The following DCX variants were observed in gnomAD, a reference collection of about 807,000 sequenced individuals.
The protein encoded by DCX is neuronal migration protein doublecortin.
A neutral mutation model predicts 20.9 loss-of-function variants in DCX; 4 were observed. The observed-to-expected ratio is 0.19, with a 90% CI of 0.09 to 0.44. DCX has a LOEUF of 0.44. Ranked by LOEUF, DCX falls within the 20% of genes least tolerant of loss-of-function variation. The pLI is 0.99. For synonymous variants in DCX, 103 were observed against 111.4 expected (o/e 0.92, Z 0.47); for missense variants, 133 against 296.9 (o/e 0.45, Z 4.06).
At chrX:111,379,306 C>A (rs923864947) in intron 3 of DCX, among the ~76,000 whole-genome samples, 15 of 111,430 alleles carry the variant, frequency 1.3e-4, no homozygotes, top group Admixed American at 8.6e-4. Flanking sequence ...ATCACTGCAA[C>A]CAATTTTAGA....
intron 5 of DCX, among the ~76,000 whole-genome samples, chrX:111,314,373 G>A (rs758631862): frequency 7.2e-5 from 8 of 111,840 alleles, no homozygotes; most frequent in African/African-American, 9.8e-5. Context: ...TGAAATAAAC[G>A]CTAAGACATA....
At chrX:111,406,071 GA>G (rs1928189028) in intron 2 of DCX, among the ~76,000 whole-genome samples, 2 of 112,223 alleles carry the variant, frequency 1.8e-5, no homozygotes, top group South Asian at 3.7e-4. Context: ...GATGTAAAAA[GA>G]AAAAAATTAA....
chrX:111,352,721 T>C (rs1340688416), intron 3 of DCX, among the ~76,000 whole-genome samples: 2 of 111,055 alleles, frequency 1.8e-5, no homozygotes, highest in African/African-American at 6.6e-5. Flanking sequence ...TGCTGCCTTT[T>C]GAATCTCTGT....
intron 5 of DCX, among the ~76,000 whole-genome samples, chrX:111,327,426 A>G (rs993595573): frequency 8.9e-6 from 1 of 112,227 alleles, no homozygotes; most frequent in Non-Finnish European, 1.9e-5. Flanking sequence ...TTAAATCTCA[A>G]ATGTCTGTAA....
chrX:111,340,644 A>T (rs938114360), intron 3 of DCX, among the ~76,000 whole-genome samples: 2 of 111,454 alleles, frequency 1.8e-5, no homozygotes, highest in Non-Finnish European at 3.8e-5. Context: ...GTGCCCCTCG[A>T]GGTCAGAGAT....
rs1206972657 is a variant in DCX at position 111,299,490 on chromosome X, T to C, written c.*2197A>G. ...CTTCCTCAACTTAAAATAAAGGTGA[T>C]GGACTAAATGAGACCTAAAGTGAGA... On this transcript the variant is annotated 3_prime_UTR_variant, in exon 7 of 7. Coordinates refer to ENST00000636035, the MANE Select transcript of DCX (RefSeq NM_001195553.2). The C allele has an allele frequency of 1.8e-5, 2 of 111,185 alleles. No homozygotes were observed. Among genetic ancestry groups the C allele is most frequent in the African/African-American group, 6.6e-5 (2 of 30,512 alleles). 9.2% of individuals were successfully genotyped at this position (111,185 alleles called of 1,213,427 possible). A position where few individuals can be genotyped will look rare whatever the true frequency, so the allele number is the denominator to read the frequency against.
intron 3 of DCX, among the ~76,000 whole-genome samples, chrX:111,390,321 T>C (rs745670422): frequency 9.8e-5 from 11 of 112,115 alleles, no homozygotes; most frequent in African/African-American, 2.9e-4. Flanking sequence ...TCTGACACCT[T>C]GACTTCAGCC....
At chrX:111,328,596 C>G (rs757434692) in intron 5 of DCX, among the ~76,000 whole-genome samples, 2 of 112,037 alleles carry the variant, frequency 1.8e-5, no homozygotes, top group Non-Finnish European at 3.8e-5. Flanking sequence ...CTTCAACACT[C>G]TTTCCTTTAA....
chrX:111,391,001 T>TAA (rs56173739), intron 3 of DCX, among the ~76,000 whole-genome samples: 3 of 82,254 alleles, frequency 3.6e-5, no homozygotes, highest in African/African-American at 1.3e-4. Context: ...GATATCCTGC[T>TAA]AAAAAAAAAA....
At chrX:111,327,326 A>T (rs144305629) in intron 5 of DCX, among the ~76,000 whole-genome samples, 3,090 of 111,895 alleles carry the variant, frequency 0.028, 117 homozygotes, top group African/African-American at 0.095. Flanking sequence ...CACCTAACCT[A>T]TTATCATTTG....
chrX:111,357,031 C>T (rs1254159340), intron 3 of DCX, among the ~76,000 whole-genome samples: 2 of 112,007 alleles, frequency 1.8e-5, no homozygotes, highest in African/African-American at 6.5e-5. Flanking sequence ...GGAGAGATTA[C>T]ATGTAATATA....
intron 3 of DCX, among the ~76,000 whole-genome samples, chrX:111,385,723 A>AAGGT (rs1926389507): frequency 1.0e-5 from 1 of 96,336 alleles, no homozygotes; most frequent in South Asian, 5.8e-4. Context: ...GAAAGCAAGG[A>AAGGT]AGGAAGGAAG....
chrX:111,383,355 C>T (rs928157785), intron 3 of DCX, among the ~76,000 whole-genome samples: 4 of 111,708 alleles, frequency 3.6e-5, no homozygotes, highest in African/African-American at 1.3e-4. Flanking sequence ...AAATTTTAAT[C>T]CAATAATCTA....
chrX:111,390,080 C>T (rs1169202063), intron 3 of DCX, among the ~76,000 whole-genome samples: 2 of 111,983 alleles, frequency 1.8e-5, no homozygotes, highest in East Asian at 5.6e-4. Context: ...TTTGCTGAGG[C>T]TGGTGGCAGA....
At chrX:111,303,344 C>G (rs1235033885) in intron 6 of DCX, among the ~76,000 whole-genome samples, 1 of 109,824 alleles carries the variant, frequency 9.1e-6, no homozygotes, top group Admixed American at 9.8e-5. Context: ...CCCACCCCCA[C>G]CGCCTTGCCA....
Position 111,401,269 on chromosome X carries a change from G to C in DCX, c.426C>G (p.Val142=). The C allele has an allele frequency of 2.5e-6, 3 of 1,211,774 alleles. No homozygotes were observed. Among genetic ancestry groups the C allele is most frequent in the Non-Finnish European group, 3.4e-6 (3 of 895,473 alleles). Residue 142 remains valine, a synonymous_variant, in exon 3 of 7, where the codon GTC becomes GTG. Coordinates refer to ENST00000636035, the MANE Select transcript of DCX (RefSeq NM_001195553.2). ...FFKKVEYTKN[V]NPNWSVNVKT... ...TTACGTTGACAGACCAGTTGGGATT[G>C]ACATTCTTGGTGTACTCCACCTTTT...
intron 5 of DCX, among the ~76,000 whole-genome samples, chrX:111,323,195 C>G (rs970314539): frequency 1.8e-5 from 2 of 112,031 alleles, no homozygotes; most frequent in African/African-American, 6.5e-5. Context: ...GTGAAAAGAA[C>G]ACAGGCTTTG....
rs878976591 is a variant in DCX at position 111,344,924 on chromosome X, T to G, written c.706-11771A>C. 2.7e-5 allele frequency among the ~76,000 whole-genome samples: 3 copies of G among 112,066 alleles called. No individual in the cohort carries two copies. The South Asian group carries it at 1.1e-3, about 42-fold the overall frequency. ...TTTCATATGGAATCAAAGAAGACCC[T>G]GTATAGCCAAGACAATCTTAAGCAA... On this transcript the variant is annotated intron_variant, in intron 3 of 6. Transcript: ENST00000636035.
At chrX:111,407,201 T>C (rs975696724) in intron 2 of DCX, among the ~76,000 whole-genome samples, 5 of 111,727 alleles carry the variant, frequency 4.5e-5, no homozygotes, top group African/African-American at 1.3e-4. Context: ...GCTTAGGGAA[T>C]CTAGATGGTT....
Sources: gnomAD v4.1 joint callset for allele counts (sites outside exome capture counted in the v4.1 genomes callset) on GRCh38, gnomAD v4.1.1 for gene constraint, MANE v1.5 for transcripts, NCBI Gene and HGNC (gene_info 2026-07-23, HGNC 2026-07-21) for gene names.